The following PGPEP1 variants were observed in gnomAD, a reference collection of about 807,000 sequenced individuals.
PGPEP1 encodes pyroglutamyl-peptidase 1.
Under a neutral mutation model 24.1 loss-of-function variants are expected in PGPEP1, and 15 were observed. The observed-to-expected ratio is 0.62, with a 90% CI of 0.42 to 0.96. The LOEUF (loss-of-function observed/expected upper bound fraction) is 0.96, where lower values mean the gene tolerates loss of function less well. Ranked by LOEUF, PGPEP1 falls within the 40% of genes least tolerant of loss-of-function variation. The pLI is 0.00. For missense variants in PGPEP1, 242 were observed against 273.4 expected (o/e 0.89, Z 0.81); for synonymous variants, 122 against 116.4 (o/e 1.05, Z -0.31).
chr19:18,341,321 T>G (rs1446784593), intron 1 of PGPEP1, among the ~76,000 whole-genome samples: 1 of 151,742 alleles, frequency 6.6e-6, no homozygotes, highest in Non-Finnish European at 1.5e-5. Flanking sequence ...GCCAGGGCTG[T>G]TTGTTGGTGA....
intron 4 of PGPEP1, chr19:18,358,114 G>T (rs1971239143): frequency 1.1e-5 from 2 of 187,044 alleles, no homozygotes; most frequent in Non-Finnish European, 2.3e-5. Flanking sequence ...GTGGCTGCTG[G>T]CCATCCTTGG....
At chr19:18,361,492 C>G (rs1433371353) in intron 4 of PGPEP1, among the ~76,000 whole-genome samples, 2 of 151,786 alleles carry the variant, frequency 1.3e-5, no homozygotes, top group African/African-American at 4.8e-5. Context: ...GCAATGTTGC[C>G]CAGGCTGGTC....
rs187165373 is a variant in PGPEP1, at chr19:18,361,628, T to C, written c.438-1763T>C. On this transcript the variant is annotated intron_variant, in intron 4 of 4. Coordinates refer to ENST00000269919, the MANE Select transcript of PGPEP1 (RefSeq NM_017712.4). ...AAATTAATTTTTAATCATAGGTAAC[T>C]CTAGAACATATCCTCATATGTCTAA... 694 of 599,210 alleles carry C rather than the reference T, an allele frequency of 1.2e-3. 5 individuals are homozygous for C. The African/African-American group carries it at 0.013, about 11-fold the overall frequency. 37.1% of individuals were successfully genotyped at this position (599,210 alleles called of 1,614,324 possible).
chr19:18,343,811 T>C (rs543722686), intron 2 of PGPEP1, among the ~76,000 whole-genome samples: 59 of 150,726 alleles, frequency 3.9e-4, no homozygotes, highest in Non-Finnish European at 6.3e-4. Context: ...GCCTCCAGAG[T>C]AGCTGGGATT....
At chr19:18,360,770 C>T (rs941786614) in intron 4 of PGPEP1, among the ~76,000 whole-genome samples, 2 of 151,224 alleles carry the variant, frequency 1.3e-5, no homozygotes, top group Admixed American at 6.6e-5. Flanking sequence ...GGTGATTCGC[C>T]TGCCTCGGCC....
intron 3 of PGPEP1, among the ~76,000 whole-genome samples, chr19:18,356,441 C>CA (rs897464695): frequency 2.0e-5 from 3 of 148,082 alleles, no homozygotes; most frequent in African/African-American, 7.6e-5. Flanking sequence ...TCAAAAAAAA[C>CA]AAAAAAACCC....
intron 2 of PGPEP1, chr19:18,349,058 C>T: frequency 3.1e-6 from 3 of 981,328 alleles, no homozygotes; most frequent in Non-Finnish European, 3.6e-6. Context: ...GCCACCGAGC[C>T]CTGCCATCAG....
At chr19:18,345,520 C>G (rs867045240) in intron 2 of PGPEP1, among the ~76,000 whole-genome samples, 1 of 150,684 alleles carries the variant, frequency 6.6e-6, no homozygotes, top group Admixed American at 6.6e-5. Flanking sequence ...GCAAGGAGTT[C>G]GAGACTATCC....
intron 1 of PGPEP1, among the ~76,000 whole-genome samples, chr19:18,341,186 C>A (rs918096536): frequency 1.3e-5 from 2 of 152,180 alleles, no homozygotes; most frequent in Non-Finnish European, 2.9e-5. Flanking sequence ...CCAGTCACTG[C>A]TCGCCGCGCC....
chr19:18,354,125 C>T (rs1476660398), intron 2 of PGPEP1, among the ~76,000 whole-genome samples: 4 of 152,146 alleles, frequency 2.6e-5, no homozygotes. Context: ...ATCCCAGCTA[C>T]TGGGGAGGCT....
In PGPEP1 at chr19:18,365,232, C is replaced by G. The variant is rs568549224; in HGVS notation, c.*1649C>G. On this transcript the variant is annotated 3_prime_UTR_variant, in exon 5 of 5. Transcript: ENST00000269919. ...AGTGAAAGTAATTGAGTGAAATGCA[C>G]GTTCTGGAAATCAGTTTCTATTTTG... The G allele has an allele frequency of 6.6e-6, 1 of 152,140 alleles. No individual in the cohort carries two copies. Among genetic ancestry groups the G allele is most frequent in the East Asian group, 1.9e-4 (1 of 5,198 alleles). The allele number at this position is 152,140 out of a possible 1,614,324, so 9.4% of individuals were successfully genotyped here. A position where few individuals can be genotyped will look rare whatever the true frequency, so the allele number is the denominator to read the frequency against.
At chr19:18,345,739 A>G (rs1261384426) in intron 2 of PGPEP1, among the ~76,000 whole-genome samples, 7 of 151,312 alleles carry the variant, frequency 4.6e-5, no homozygotes, top group African/African-American at 1.7e-4. Context: ...AAAAAAAAAA[A>G]AAAAAAGAAA....
At position 18,352,491 on chromosome 19, in the gene PGPEP1, T is replaced by C. The variant is rs1177283845; in HGVS notation, c.88-3404T>C. ...GATGTGTGCCCTGTCACCTCTGTGGTGTGAAGATGGGAATTAGTGTAGGTT... is the reference window on the plus strand; with the variant it reads ...GATGTGTGCCCTGTCACCTCTGTGGCGTGAAGATGGGAATTAGTGTAGGTT... On this transcript the variant is annotated intron_variant, in intron 2 of 4. Transcript: ENST00000269919. 3.3e-5 allele frequency among the ~76,000 whole-genome samples: 5 copies of C among 150,970 alleles called. No homozygotes were observed. In the East Asian group the frequency reaches 9.7e-4, roughly 29 times the overall value.
intron 4 of PGPEP1, among the ~76,000 whole-genome samples, chr19:18,360,523 AT>A (rs139605654): frequency 6.6e-6 from 1 of 150,930 alleles, no homozygotes. Context: ...TTTTATTTTT[AT>A]TTTTTTTGAG....
At chr19:18,352,049 A>G (rs1490268117) in intron 2 of PGPEP1, among the ~76,000 whole-genome samples, 1 of 151,868 alleles carries the variant, frequency 6.6e-6, no homozygotes, top group Non-Finnish European at 1.5e-5. Flanking sequence ...AGATGGGCGG[A>G]TCACGAGGTC....
chr19:18,355,121 G>A (rs569749670), intron 2 of PGPEP1, among the ~76,000 whole-genome samples: 38 of 149,826 alleles, frequency 2.5e-4, no homozygotes, highest in African/African-American at 8.4e-4. Flanking sequence ...GGCACACGCC[G>A]CCACGCCCAG....
At chr19:18,358,704 C>T in intron 4 of PGPEP1, among the ~76,000 whole-genome samples, 1 of 152,152 alleles carries the variant, frequency 6.6e-6, no homozygotes, top group East Asian at 1.9e-4. Flanking sequence ...CAACCTCCGC[C>T]TCCTGGCTCA....
chr19:18,347,909 G>C (rs1970900248), intron 2 of PGPEP1, among the ~76,000 whole-genome samples: 1 of 152,214 alleles, frequency 6.6e-6, no homozygotes, highest in African/African-American at 2.4e-5. Flanking sequence ...TGGGATTACA[G>C]GCATGAGCCA....
intron 2 of PGPEP1, among the ~76,000 whole-genome samples, chr19:18,343,555 G>A (rs867966313): frequency 5.3e-5 from 8 of 152,094 alleles, no homozygotes; most frequent in Non-Finnish European, 7.4e-5. Flanking sequence ...CCTGGCCAGC[G>A]GCTACAGATC....
Sources: allele counts gnomAD v4.1 joint callset (sites outside exome capture counted in the v4.1 genomes callset), GRCh38; gene constraint gnomAD v4.1.1; transcripts MANE v1.5; gene names NCBI Gene and HGNC (gene_info 2026-07-23, HGNC 2026-07-21).